The following RNF169 variants were observed in gnomAD, a reference collection of about 807,000 sequenced individuals.
The protein encoded by RNF169 is E3 ubiquitin-protein ligase RNF169.
Under a neutral mutation model 53.9 loss-of-function variants are expected in RNF169, and 24 were observed. That is an observed-to-expected ratio of 0.45 (90% CI 0.32 to 0.63). The LOEUF (loss-of-function observed/expected upper bound fraction) is 0.63, where lower values mean the gene tolerates loss of function less well. RNF169 is among the 20% of genes least tolerant of loss of function. The pLI is 0.04. For synonymous variants in RNF169, 396 were observed against 363.5 expected (o/e 1.09, Z -1.02); for missense variants, 883 against 906.2 (o/e 0.97, Z 0.33).
At chr11:74,766,815 G>A (rs2035181083) in intron 1 of RNF169, among the ~76,000 whole-genome samples, 1 of 152,094 alleles carries the variant, frequency 6.6e-6, no homozygotes, top group South Asian at 2.1e-4. Flanking sequence ...TGGTTTTATG[G>A]GTTACCCAAA....
At chr11:74,827,796 ACT>A (rs919652745) in intron 4 of RNF169, among the ~76,000 whole-genome samples, 6 of 152,072 alleles carry the variant, frequency 3.9e-5, no homozygotes, top group African/African-American at 1.4e-4. Flanking sequence ...CATGTTGAAA[ACT>A]CTCAATAAAC....
intron 4 of RNF169, 52 bp from the exon 5 acceptor site, chr11:74,834,624 A>ACAG: frequency 7.7e-7 from 1 of 1,297,186 alleles, no homozygotes; most frequent in Non-Finnish European, 1.1e-6. Context: ...CTTTTTCCTT[A>ACAG]CCTATATATG....
At chr11:74,833,152 C>A (rs77900444) in intron 4 of RNF169, among the ~76,000 whole-genome samples, 281 of 152,238 alleles carry the variant, frequency 1.8e-3, no homozygotes, top group African/African-American at 6.5e-3. Flanking sequence ...AGGAATAACA[C>A]AGAAATACTG....
In RNF169 at chr11:74,839,660, G is replaced by A. The variant is rs2036317582; in HGVS notation, c.*2930G>A. The A allele has an allele frequency of 6.6e-6, 1 of 152,156 alleles. No homozygotes were observed. The highest frequency in any genetic ancestry group is 2.1e-4 in the South Asian group (1 of 4,824). The allele number at this position is 152,156 out of a possible 1,614,324, so 9.4% of individuals were successfully genotyped here. On this transcript the variant is annotated 3_prime_UTR_variant, in exon 6 of 6. Coordinates refer to ENST00000299563, the MANE Select transcript of RNF169 (RefSeq NM_001098638.2). ...TTATTAAAGGGGAAGTTAGGGGGGA[G>A]GGTGAAGGTCAGTCTGAGGGGAAAT...
intron 4 of RNF169, among the ~76,000 whole-genome samples, chr11:74,824,423 A>G (rs1342096166): frequency 6.6e-6 from 1 of 152,200 alleles, no homozygotes; most frequent in African/African-American, 2.4e-5. Context: ...TCCCAGAATG[A>G]GAGAGAAAGG....
chr11:74,836,854 G>T lies in RNF169; in HGVS notation c.*124G>T. 4.1e-6 allele frequency: 3 copies of T among 733,966 alleles called. No individual in the cohort carries two copies. Among genetic ancestry groups the T allele is most frequent in the Non-Finnish European group, 4.3e-6 (2 of 462,010 alleles). The allele number at this position is 733,966 out of a possible 1,614,324, so 45.5% of individuals were successfully genotyped here. On this transcript the variant is annotated 3_prime_UTR_variant, in exon 6 of 6. Coordinates refer to ENST00000299563, the MANE Select transcript of RNF169 (RefSeq NM_001098638.2). ...AACACTGTCTAATATGGTTCTGAGAGGTTCCAGGGCCTTTGTAGTCAATAT... is the reference window on the plus strand; with the variant it reads ...AACACTGTCTAATATGGTTCTGAGATGTTCCAGGGCCTTTGTAGTCAATAT...
rs1230736435 is a variant in RNF169, at chr11:74,821,657, CAAAAAAAAAAAA to C, written c.842+3957_842+3968del. ...TGGGCGACAGAGCGAGACTCCGTCT[CAAAAAAAAAAAA>C]AAAAAAAAAAAAAGAATACAAGTGC... On this transcript the variant is annotated intron_variant, in intron 4 of 5. Transcript: ENST00000299563. Among the ~76,000 whole-genome samples the C allele has an allele frequency of 7.7e-5, 2 of 26,074 alleles. 1 individual carries two copies. Among genetic ancestry groups the C allele is most frequent in the Non-Finnish European group, 1.1e-4 (2 of 18,714 alleles). The allele number at this position is 26,074 out of a possible 152,430, so 17.1% of individuals were successfully genotyped here.
At chr11:74,768,238 G>A (rs1342638265) in intron 1 of RNF169, among the ~76,000 whole-genome samples, 1 of 152,150 alleles carries the variant, frequency 6.6e-6, no homozygotes, top group South Asian at 2.1e-4. Context: ...CTAGGGTAAA[G>A]GTGTCATTTT....
In RNF169 at chr11:74,810,338, A is replaced by C; in HGVS notation, c.723+8A>C. ...AAAACAAATCTGGAACGTGTAAGTA[A>C]ATCACCTTTTTAATGGATACCTGCC... is the stretch of plus-strand genomic sequence containing the variant. On this transcript the variant is annotated splice_region_variant and intron_variant, in intron 3 of 5. Coordinates refer to ENST00000299563, the MANE Select transcript of RNF169 (RefSeq NM_001098638.2). 3 of 1,612,848 alleles carry C rather than the reference A, an allele frequency of 1.9e-6. No homozygotes were observed. The South Asian group carries it at 3.3e-5, about 18-fold the overall frequency.
intron 3 of RNF169, among the ~76,000 whole-genome samples, chr11:74,812,616 A>T (rs1827274927): frequency 6.6e-6 from 1 of 151,884 alleles, no homozygotes. Context: ...GGCTGCTTTT[A>T]TATTTTGGAG....
At chr11:74,828,787 T>C (rs2036134726) in intron 4 of RNF169, among the ~76,000 whole-genome samples, 1 of 152,196 alleles carries the variant, frequency 6.6e-6, no homozygotes, top group African/African-American at 2.4e-5. Flanking sequence ...GTTAGCCATA[T>C]GCAGAAAACT....
chr11:74,783,886 G>A (rs1401861668), intron 1 of RNF169, among the ~76,000 whole-genome samples: 2 of 152,128 alleles, frequency 1.3e-5, no homozygotes, highest in Non-Finnish European at 2.9e-5. Flanking sequence ...AAAAATCTGG[G>A]AAACTGAAAG....
At chr11:74,792,568 A>T (rs1214931687) in intron 2 of RNF169, among the ~76,000 whole-genome samples, 1 of 151,898 alleles carries the variant, frequency 6.6e-6, no homozygotes, top group Non-Finnish European at 1.5e-5. Flanking sequence ...TGCCCAGCTA[A>T]ATTTTGTATT....
chr11:74,830,541 C>CATA (rs2135146957), intron 4 of RNF169: 1 of 92,140 alleles, frequency 1.1e-5, no homozygotes, highest in Non-Finnish European at 1.9e-5. Flanking sequence ...AGGTTGAACC[C>CATA]ATAATAAAAA....
chr11:74,819,191 C>T (rs1449833333), intron 4 of RNF169, among the ~76,000 whole-genome samples: 1 of 152,014 alleles, frequency 6.6e-6, no homozygotes, highest in African/African-American at 2.4e-5. Context: ...AATATTGCTG[C>T]TGCTGCTGCT....
chr11:74,764,440 C>G (rs986009346), intron 1 of RNF169, among the ~76,000 whole-genome samples: 1 of 152,110 alleles, frequency 6.6e-6, no homozygotes, highest in Non-Finnish European at 1.5e-5. Context: ...GCAGGAGAAT[C>G]GCTGAACCCA....
chr11:74,774,342 T>A (rs938767558), intron 1 of RNF169, among the ~76,000 whole-genome samples: 2 of 137,634 alleles, frequency 1.5e-5, no homozygotes, highest in Admixed American at 7.3e-5. Context: ...TGAGACCCTG[T>A]TTCAAAAAAA....
chr11:74,770,760 GTTTC>G (rs1406039128), intron 1 of RNF169, among the ~76,000 whole-genome samples: 2 of 152,012 alleles, frequency 1.3e-5, no homozygotes, highest in African/African-American at 2.4e-5. Context: ...CTTACCCATT[GTTTC>G]TTCCTGTTTT....
rs1452659794 is a variant in RNF169, at chr11:74,790,618, G to A, written c.576+919G>A. On this transcript the variant is annotated intron_variant, in intron 2 of 5. Coordinates refer to ENST00000299563, the MANE Select transcript of RNF169 (RefSeq NM_001098638.2). ...CCTGGATCTCACACCTGCTAAAGGC[G>A]AGCCAGGTGCAGAGGGGAGGGGTGT... Among the ~76,000 whole-genome samples the A allele has an allele frequency of 5.9e-5, 9 of 152,180 alleles. No homozygotes were observed. In the South Asian group the frequency reaches 1.2e-3, roughly 21 times the overall value.
Sources: gnomAD v4.1 joint callset for allele counts (sites outside exome capture counted in the v4.1 genomes callset) on GRCh38, gnomAD v4.1.1 for gene constraint, MANE v1.5 for transcripts, NCBI Gene and HGNC (gene_info 2026-07-23, HGNC 2026-07-21) for gene names.